PRIM2: variants seen among roughly 807,000 people sequenced by gnomAD.
PRIM2 encodes DNA primase large subunit.
In PRIM2, 39 loss-of-function variants were observed where a neutral mutation model predicts 67.3. The observed-to-expected ratio is 0.58, with a 90% confidence interval of 0.45 to 0.76. PRIM2 has a LOEUF of 0.76. Among genes scored for constraint, PRIM2 ranks in the 30% least tolerant of loss-of-function variants. The pLI, the probability that PRIM2 is intolerant of heterozygous loss-of-function variation, is 0.00. For synonymous variants in PRIM2, 143 were observed against 198.7 expected (o/e 0.72, Z 2.36); for missense variants, 398 against 598.7 (o/e 0.66, Z 3.50).
intron 7 of PRIM2, among the ~76,000 whole-genome samples, chr6:57,418,386 T>TGG (rs1771347432): frequency 1.8e-5 from 1 of 54,120 alleles, no homozygotes; most frequent in African/African-American, 8.7e-5. Context: ...GTGTGTGGTT[T>TGG]TTTTTTTTTT....
the PRIM2 span, among the ~76,000 whole-genome samples, chr6:57,261,520 G>A: frequency 3.3e-5 from 5 of 152,352 alleles, no homozygotes; most frequent in Non-Finnish European, 4.4e-5. Context: ...GAACAGGGTA[G>A]AGCGGGGACA....
chr6:57,456,365 A>G (rs1206535796), intron 7 of PRIM2, among the ~76,000 whole-genome samples: 4 of 152,138 alleles, frequency 2.6e-5, no homozygotes, highest in Non-Finnish European at 4.4e-5. Flanking sequence ...CTCCTGGATA[A>G]TATCCTGCAG....
chr6:57,483,206 A>G (rs1401006671), intron 7 of PRIM2, among the ~76,000 whole-genome samples: 3 of 152,082 alleles, frequency 2.0e-5, no homozygotes, highest in South Asian at 4.2e-4. Flanking sequence ...CTGCGCCCGG[A>G]TGATTTTTTT....
the PRIM2 span, among the ~76,000 whole-genome samples, chr6:57,309,506 T>A: frequency 6.6e-6 from 1 of 152,152 alleles, no homozygotes; most frequent in Non-Finnish European, 1.5e-5. Flanking sequence ...TTCCATGGTG[T>A]ATATGTGCCA....
intron 7 of PRIM2, among the ~76,000 whole-genome samples, chr6:57,502,882 G>C (rs1482374287): frequency 1.3e-5 from 2 of 152,170 alleles, no homozygotes; most frequent in African/African-American, 4.8e-5. Context: ...TACATTGCAG[G>C]GTAGTGCACT....
chr6:57,579,098 T>TA (rs1582000993), intron 10 of PRIM2, among the ~76,000 whole-genome samples: 1 of 151,540 alleles, frequency 6.6e-6, no homozygotes, highest in Non-Finnish European at 1.5e-5. Flanking sequence ...TAAATTCTCT[T>TA]AAAAAAATAA....
the PRIM2 span, among the ~76,000 whole-genome samples, chr6:57,307,354 C>T: frequency 4.0e-5 from 6 of 151,358 alleles, no homozygotes; most frequent in African/African-American, 9.7e-5. Context: ...CCTGGGTTCA[C>T]GCCATTCTCC....
At chr6:57,585,711 A>G (rs1240917921) in intron 10 of PRIM2, among the ~76,000 whole-genome samples, 1,915 of 152,298 alleles carry the variant, frequency 0.013, 39 homozygotes, top group African/African-American at 0.042. Context: ...TCTTACTACA[A>G]CTGTGCTACA....
At chr6:57,240,036 A>G in the PRIM2 span, among the ~76,000 whole-genome samples, 1 of 152,222 alleles carries the variant, frequency 6.6e-6, no homozygotes, top group East Asian at 1.9e-4. Context: ...ACTCCAAAGA[A>G]GAGATATAAA....
intron 12 of PRIM2, among the ~76,000 whole-genome samples, chr6:57,628,661 C>T (rs1776995052): frequency 6.6e-6 from 1 of 151,950 alleles, no homozygotes; most frequent in African/African-American, 2.4e-5. Flanking sequence ...TTTTAGAATC[C>T]CCAGTGTTTA....
At chr6:57,494,606 C>T (rs1250888100) in intron 7 of PRIM2, among the ~76,000 whole-genome samples, 1 of 152,028 alleles carries the variant, frequency 6.6e-6, no homozygotes, top group Non-Finnish European at 1.5e-5. Context: ...AATTCTGTGT[C>T]ATTTGAAACT....
rs1581980392 is a variant in PRIM2 at position 57,542,938 on chromosome 6, G to GTTTTTTTTTTTTTTTTTT, written c.1020+5313_1020+5314insTTTTTTTTTTTTTTTTTT. Among the ~76,000 whole-genome samples, 5 of 56,882 alleles carry GTTTTTTTTTTTTTTTTTT rather than the reference G, an allele frequency of 8.8e-5. 1 individual carries two copies. The highest frequency in any genetic ancestry group is 1.1e-3 in the East Asian group (2 of 1,854). The allele number at this position is 56,882 out of a possible 152,430, so 37.3% of individuals were successfully genotyped here. A position where few individuals can be genotyped will look rare whatever the true frequency, so the allele number is the denominator to read the frequency against. ...TGTTGGCTTAAAATACTGCTTATAGGATTTTTTTTTTTTTTTTTTTGAGAC... is the reference window on the plus strand; with the variant it reads ...TGTTGGCTTAAAATACTGCTTATAGGTTTTTTTTTTTTTTTTTTATTTTTTTTTTTTTTTTTTTGAGAC... On this transcript the variant is annotated intron_variant, in intron 10 of 13. Transcript: ENST00000615550.
chr6:57,401,059 G>A (rs751795145), intron 7 of PRIM2, among the ~76,000 whole-genome samples: 1 of 152,136 alleles, frequency 6.6e-6, no homozygotes, highest in African/African-American at 2.4e-5. Flanking sequence ...GAGTCTTGAT[G>A]ATCTTTATTC....
chr6:57,500,814 T>C (rs1224135744), intron 7 of PRIM2, among the ~76,000 whole-genome samples: 168 of 152,294 alleles, frequency 1.1e-3, no homozygotes, highest in African/African-American at 3.3e-3. Context: ...AGGTTTGGTC[T>C]CTCCTAGTTA....
At chr6:57,581,268 C>T (rs1420679079) in intron 10 of PRIM2, among the ~76,000 whole-genome samples, 2 of 152,016 alleles carry the variant, frequency 1.3e-5, no homozygotes, top group African/African-American at 4.8e-5. Flanking sequence ...TCGGCGTACT[C>T]CTGTGGTTTT....
chr6:57,368,582 G>C (rs9475887), intron 5 of PRIM2, among the ~76,000 whole-genome samples: 7,306 of 152,238 alleles, frequency 0.048, 322 homozygotes, highest in African/African-American at 0.11. Context: ...GATCATTTGG[G>C]AATGTGGGAA....
chr6:57,556,636 C>G (rs1300655620), intron 10 of PRIM2, among the ~76,000 whole-genome samples: 1 of 152,160 alleles, frequency 6.6e-6, no homozygotes, highest in Non-Finnish European at 1.5e-5. Context: ...AAAATCAACT[C>G]AAGATGGATT....
chr6:57,226,727 C>G, the PRIM2 span, among the ~76,000 whole-genome samples: 4 of 152,170 alleles, frequency 2.6e-5, no homozygotes, highest in South Asian at 8.3e-4. Flanking sequence ...CCGGTTCAGG[C>G]AAGAGATGAT....
the PRIM2 span, among the ~76,000 whole-genome samples, chr6:57,248,795 T>C: frequency 6.6e-6 from 1 of 152,242 alleles, no homozygotes; most frequent in East Asian, 1.9e-4. Flanking sequence ...CCAGTCAGCA[T>C]GAATGAGCCT....
Sources: allele counts gnomAD v4.1 joint callset (sites outside exome capture counted in the v4.1 genomes callset), GRCh38; gene constraint gnomAD v4.1.1; transcripts MANE v1.5; gene names NCBI Gene and HGNC (gene_info 2026-07-23, HGNC 2026-07-21).